Variants in HRH4 observed in about 807,000 individuals in gnomAD.
The protein encoded by HRH4 is histamine receptor H4.
In HRH4, 12 loss-of-function variants were observed where a neutral mutation model predicts 10.4. The ratio of observed to expected loss-of-function variants is 1.15; its 90% confidence interval spans 0.74 to 1.87. The LOEUF is 1.87. Ranked by LOEUF, HRH4 falls within the 40% of genes most tolerant of loss-of-function variation. The pLI is 0.00. For missense variants in HRH4, 415 were observed against 453.3 expected, an observed-to-expected ratio of 0.92 and a Z score of 0.77; for synonymous variants, 154 against 166.6, an observed-to-expected ratio of 0.92 and a Z score of 0.58.
chr18:24,476,613 G>T, intron 2 of HRH4, 134 bp from the exon 3 acceptor site: 1 of 676,358 alleles, frequency 1.5e-6, no homozygotes, highest in Non-Finnish European at 2.5e-6. Flanking sequence ...CTCTGTCCTG[G>T]TCCACATCGT....
chr18:24,460,907 C>CT lies in HRH4; in HGVS notation c.180dup (p.Asp61Ter), dbSNP rs1369232552. 2 of 1,561,770 alleles carry CT rather than the reference C, an allele frequency of 1.3e-6. No individual in the cohort carries two copies. The highest frequency in any genetic ancestry group is 1.4e-5 in the African/African-American group (1 of 74,032). ...TATTTTTTTCTTAACTTGGCCATCT[C>CT]TGACTTCTTTGTGGGTAAGTTATAT... On this transcript the variant is annotated frameshift_variant, in exon 1 of 3. Transcript: ENST00000256906. LOFTEE classifies it high-confidence loss of function.
At chr18:24,469,718 G>T (rs979536958) in intron 2 of HRH4, among the ~76,000 whole-genome samples, 1 of 152,126 alleles carries the variant, frequency 6.6e-6, no homozygotes, top group African/African-American at 2.4e-5. Flanking sequence ...CTAAGTGCTG[G>T]GATACAGAAG....
At chr18:24,466,287 A>AGTTT (rs1909773227) in intron 1 of HRH4, among the ~76,000 whole-genome samples, 1 of 129,212 alleles carries the variant, frequency 7.7e-6, no homozygotes, top group Non-Finnish European at 1.6e-5. Context: ...TAATTTTTGT[A>AGTTT]TTTTTTTTTT....
chr18:24,461,649 G>A (rs1909641604), intron 1 of HRH4, among the ~76,000 whole-genome samples: 1 of 151,892 alleles, frequency 6.6e-6, no homozygotes. Context: ...GGCATATTCA[G>A]ATTATTTTTG....
chr18:24,473,828 A>G (rs974143345), intron 2 of HRH4, among the ~76,000 whole-genome samples: 3 of 152,178 alleles, frequency 2.0e-5, no homozygotes, highest in African/African-American at 7.2e-5. Flanking sequence ...TCACCAAAAA[A>G]ACCTGATTGA....
intron 1 of HRH4, 80 bp from the exon 2 acceptor site, chr18:24,468,708 T>C: frequency 8.2e-7 from 1 of 1,219,248 alleles, no homozygotes; most frequent in South Asian, 1.5e-5. Context: ...TAGGTCATTG[T>C]GTTGTGTAGC....
At chr18:24,469,331 A>G (rs1398437620) in intron 2 of HRH4, among the ~76,000 whole-genome samples, 1 of 152,234 alleles carries the variant, frequency 6.6e-6, no homozygotes, top group Non-Finnish European at 1.5e-5. Flanking sequence ...AGTAGAAAGA[A>G]TCCCATACTT....
chr18:24,468,819 C>T lies in HRH4; in HGVS notation c.225C>T (p.His75=). The change falls in exon 2 of 3, where the codon CAC becomes CAT. Residue 75 remains histidine, a synonymous_variant. Coordinates refer to ENST00000256906, the MANE Select transcript of HRH4 (RefSeq NM_021624.4). ...TCTCCATTCCTTTGTACATCCCTCA[C>T]ACGCTGTTCGAATGGGATTTTGGAA... ...GVISIPLYIP[H]TLFEWDFGKE... is the part of the protein sequence containing the mutation. 2.5e-6 allele frequency: 4 copies of T among 1,614,038 alleles called. No individual in the cohort carries two copies. The South Asian group carries it at 4.4e-5, about 18-fold the overall frequency.
chr18:24,475,240 G>A (rs1180533316), intron 2 of HRH4, among the ~76,000 whole-genome samples: 1 of 151,604 alleles, frequency 6.6e-6, no homozygotes, highest in Non-Finnish European at 1.5e-5. Flanking sequence ...CCTTAAAAAA[G>A]ATGGTGGCAC....
chr18:24,466,834 A>T (rs1298155413), intron 1 of HRH4, among the ~76,000 whole-genome samples: 2 of 152,234 alleles, frequency 1.3e-5, no homozygotes, highest in Non-Finnish European at 2.9e-5. Context: ...CTTCCACTTA[A>T]TAGATCATAT....
chr18:24,475,157 C>T (rs1910102959), intron 2 of HRH4, among the ~76,000 whole-genome samples: 1 of 152,062 alleles, frequency 6.6e-6, no homozygotes, highest in African/African-American at 2.4e-5. Context: ...GAGGGCAGTC[C>T]TCACTCATAG....
chr18:24,468,705 T>C, intron 1 of HRH4, 83 bp from the exon 2 acceptor site: 5 of 1,193,964 alleles, frequency 4.2e-6, no homozygotes, highest in South Asian at 1.5e-5. Flanking sequence ...AGATAGGTCA[T>C]TGTGTTGTGT....
intron 1 of HRH4, among the ~76,000 whole-genome samples, chr18:24,463,088 T>C (rs988295481): frequency 6.6e-6 from 1 of 152,198 alleles, no homozygotes; most frequent in African/African-American, 2.4e-5. Flanking sequence ...CTGAAGCTTT[T>C]GAATCAAGAT....
At chr18:24,471,306 A>C (rs929062922) in intron 2 of HRH4, among the ~76,000 whole-genome samples, 60 of 152,082 alleles carry the variant, frequency 3.9e-4, no homozygotes, top group African/African-American at 1.4e-3. Context: ...AAAATATGGA[A>C]TGAAACAGAA....
chr18:24,465,123 A>G (rs971802465), intron 1 of HRH4, among the ~76,000 whole-genome samples: 2 of 151,730 alleles, frequency 1.3e-5, no homozygotes, highest in Non-Finnish European at 2.9e-5. Context: ...TCCAATCTCT[A>G]CTAAAAATAC....
rs60730879 is a variant in HRH4, at chr18:24,471,606, CAAAAAAA to C, written c.357+2676_357+2682del. On this transcript the variant is annotated intron_variant, in intron 2 of 2. Transcript: ENST00000256906. ...TGGGTGTCGCAGCAAGACTCCATCT[CAAAAAAA>C]AAAAAAAAAAAAAAAAAAAAGAAAT... is the stretch of plus-strand genomic sequence containing the variant. Among the ~76,000 whole-genome samples the C allele has an allele frequency of 2.7e-4, 14 of 51,396 alleles. No individual in the cohort carries two copies. In the East Asian group the frequency reaches 0.011, roughly 39 times the overall value. The allele number at this position is 51,396 out of a possible 152,430, so 33.7% of individuals were successfully genotyped here.
chr18:24,476,895 T>A lies in HRH4; in HGVS notation c.506T>A (p.Phe169Tyr). The A allele has an allele frequency of 6.2e-7, 1 of 1,614,204 alleles. No homozygotes were observed. Among genetic ancestry groups the A allele is most frequent in the Non-Finnish European group, 8.5e-7 (1 of 1,180,034 alleles). Residue 169 changes from phenylalanine (F) to tyrosine (Y), a missense_variant, in exon 3 of 3, where the codon TTT becomes TAT. By Grantham distance (22) the Phe-to-Tyr change is conservative. Transcript: ENST00000256906. ...DEGSECEPGF[F>Y]SEWYILAITS... ...GGTAGTGAATGTGAACCTGGATTTT[T>A]TTCGGAATGGTACATCCTTGCCATC...
At chr18:24,465,337 C>T (rs1020174042) in intron 1 of HRH4, among the ~76,000 whole-genome samples, 5 of 151,808 alleles carry the variant, frequency 3.3e-5, no homozygotes, top group East Asian at 1.9e-4. Flanking sequence ...AAACAGAAGG[C>T]GCCCTTGGGG....
At chr18:24,463,225 C>T (rs1909686394) in intron 1 of HRH4, among the ~76,000 whole-genome samples, 2 of 152,192 alleles carry the variant, frequency 1.3e-5, no homozygotes, top group African/African-American at 4.8e-5. Flanking sequence ...TCCTGGTGAT[C>T]TCCTCCATCA....
Sources: allele counts gnomAD v4.1 joint callset (sites outside exome capture counted in the v4.1 genomes callset), GRCh38; gene constraint gnomAD v4.1.1; transcripts MANE v1.5; gene names NCBI Gene and HGNC (gene_info 2026-07-23, HGNC 2026-07-21).